Variants in KIAA1958 observed in about 807,000 individuals in gnomAD.
KIAA1958 encodes the protein KIAA1958, also known as uncharacterized protein KIAA1958.
Under a neutral mutation model 47.2 loss-of-function variants are expected in KIAA1958, and 14 were observed. The ratio of observed to expected loss-of-function variants is 0.30; its 90% confidence interval spans 0.20 to 0.46. KIAA1958 has a LOEUF of 0.46. KIAA1958 is among the 20% of genes least tolerant of loss of function. KIAA1958 has a pLI of 1.00. For synonymous variants in KIAA1958, 354 were observed against 353.3 expected (o/e 1.00, Z -0.02); for missense variants, 803 against 909.2 (o/e 0.88, Z 1.50).
chr9:112,533,742 T>C (rs1428939292), intron 1 of KIAA1958, among the ~76,000 whole-genome samples: 1 of 152,162 alleles, frequency 6.6e-6, no homozygotes, highest in Non-Finnish European at 1.5e-5. Flanking sequence ...CAGACATTTG[T>C]AAAATCATCA....
intron 2 of KIAA1958, among the ~76,000 whole-genome samples, chr9:112,621,506 G>GA (rs1400528349): frequency 1.3e-5 from 2 of 152,174 alleles, no homozygotes; most frequent in African/African-American, 4.8e-5. Context: ...AGCAGAACTA[G>GA]AAAATGTCAG....
At chr9:112,567,907 G>A (rs536699089) in intron 1 of KIAA1958, among the ~76,000 whole-genome samples, 6 of 131,186 alleles carry the variant, frequency 4.6e-5, no homozygotes, top group South Asian at 2.4e-4. Flanking sequence ...GCAGTGAGCA[G>A]AGATTGTGCC....
chr9:112,654,499 GA>G (rs1837115437), intron 3 of KIAA1958, among the ~76,000 whole-genome samples: 2 of 152,184 alleles, frequency 1.3e-5, no homozygotes, highest in African/African-American at 4.8e-5. Context: ...GCAGCTATGT[GA>G]AAAAAGCACT....
intron 1 of KIAA1958, among the ~76,000 whole-genome samples, chr9:112,529,428 A>T (rs1233395302): frequency 6.6e-6 from 1 of 152,138 alleles, no homozygotes; most frequent in African/African-American, 2.4e-5. Flanking sequence ...GACCCCATCC[A>T]CAATACCACG....
At chr9:112,529,611 G>A (rs1834718414) in intron 1 of KIAA1958, among the ~76,000 whole-genome samples, 1 of 152,140 alleles carries the variant, frequency 6.6e-6, no homozygotes, top group African/African-American at 2.4e-5. Context: ...AGGTTAACTG[G>A]GGATTATGTG....
intron 1 of KIAA1958, among the ~76,000 whole-genome samples, chr9:112,550,698 A>G (rs778380232): frequency 2.0e-5 from 3 of 152,234 alleles, no homozygotes; most frequent in Non-Finnish European, 4.4e-5. Flanking sequence ...ACGACAATGC[A>G]TGACAAAACA....
intron 1 of KIAA1958, among the ~76,000 whole-genome samples, chr9:112,503,355 C>T (rs1312513433): frequency 6.6e-6 from 1 of 151,882 alleles, no homozygotes; most frequent in African/African-American, 2.4e-5. Context: ...GTTCTAGGAA[C>T]AAGAATTTCA....
intron 1 of KIAA1958, among the ~76,000 whole-genome samples, chr9:112,565,845 T>C (rs1053935520): frequency 6.6e-5 from 10 of 152,210 alleles, no homozygotes; most frequent in African/African-American, 2.4e-4. Context: ...CTCCATGAGA[T>C]TGGCGATGGA....
intron 2 of KIAA1958, among the ~76,000 whole-genome samples, chr9:112,601,099 G>A (rs1351351786): frequency 6.6e-6 from 1 of 152,208 alleles, no homozygotes; most frequent in African/African-American, 2.4e-5. Context: ...TACCCTGAAA[G>A]GGGTCAGCTA....
intron 2 of KIAA1958, chr9:112,617,922 T>C: frequency 6.5e-7 from 1 of 1,550,278 alleles, no homozygotes; most frequent in South Asian, 1.2e-5. Context: ...GAGAAAACCA[T>C]CCGGAGCACG....
At chr9:112,623,006 A>G (rs1836537948) in intron 2 of KIAA1958, among the ~76,000 whole-genome samples, 2 of 152,344 alleles carry the variant, frequency 1.3e-5, no homozygotes, top group South Asian at 4.1e-4. Flanking sequence ...TATTTTGCAT[A>G]GTTTTCCAAA....
In KIAA1958 at chr9:112,659,628, G is replaced by A. The variant is rs1178691033; in HGVS notation, c.1710G>A (p.Arg570=). ...VKYNSQYLNM[R]TLQEHADLMY... is the part of the protein sequence containing the mutation. ...ACAACAGCCAGTACCTGAACATGCG[G>A]ACGCTGCAGGAGCATGCGGATCTGA... The change falls in exon 4 of 4, where the codon CGG becomes CGA. Residue 570 remains arginine, a synonymous_variant. Transcript: ENST00000337530. 1 of 1,614,012 alleles carries A rather than the reference G, an allele frequency of 6.2e-7. No homozygotes were observed. The highest frequency in any genetic ancestry group is 1.7e-5 in the Admixed American group (1 of 60,008).
intron 1 of KIAA1958, among the ~76,000 whole-genome samples, chr9:112,573,492 C>A (rs1022941833): frequency 4.6e-5 from 7 of 152,214 alleles, no homozygotes; most frequent in African/African-American, 1.4e-4. Flanking sequence ...CTCATCCTCT[C>A]CTTGGACTCC....
chr9:112,528,100 A>G (rs534879019), intron 1 of KIAA1958, among the ~76,000 whole-genome samples: 1 of 152,180 alleles, frequency 6.6e-6, no homozygotes, highest in Non-Finnish European at 1.5e-5. Context: ...TGTTCCCACA[A>G]CCTTATACTT....
intron 1 of KIAA1958, among the ~76,000 whole-genome samples, chr9:112,515,894 T>A (rs867952700): frequency 9.1e-4 from 88 of 97,070 alleles, no homozygotes; most frequent in South Asian, 2.5e-3. Context: ...AAAAATAAAT[T>A]AAAAAAAAAA....
intron 2 of KIAA1958, among the ~76,000 whole-genome samples, chr9:112,640,083 C>G (rs1402076801): frequency 6.6e-6 from 1 of 152,130 alleles, no homozygotes; most frequent in East Asian, 1.9e-4. Context: ...TTCATTTGGT[C>G]TTGTTTTATG....
chr9:112,636,986 A>G (rs569490031), intron 2 of KIAA1958, among the ~76,000 whole-genome samples: 11 of 152,310 alleles, frequency 7.2e-5, no homozygotes, highest in African/African-American at 2.6e-4. Context: ...CTTATAAGTT[A>G]TACATTATTT....
intron 2 of KIAA1958, among the ~76,000 whole-genome samples, chr9:112,598,492 A>G (rs1368979522): frequency 6.6e-6 from 1 of 152,214 alleles, no homozygotes; most frequent in African/African-American, 2.4e-5. Flanking sequence ...AACATTTTGA[A>G]TGAGGGCAAG....
chr9:112,611,248 G>A (rs1423961331), intron 2 of KIAA1958, among the ~76,000 whole-genome samples: 2 of 151,944 alleles, frequency 1.3e-5, no homozygotes, highest in Non-Finnish European at 2.9e-5. Flanking sequence ...AAAACAAAAC[G>A]CTATATGGAG....
Sources: allele counts gnomAD v4.1 joint callset (sites outside exome capture counted in the v4.1 genomes callset), GRCh38; gene constraint gnomAD v4.1.1; transcripts MANE v1.5; gene names NCBI Gene and HGNC (gene_info 2026-07-23, HGNC 2026-07-21).